Variants in RBL1 observed in about 807,000 individuals in gnomAD.
RBL1 encodes retinoblastoma-like protein 1.
RBL1 carries 82 observed loss-of-function variants against 123.0 expected under a neutral mutation model. The ratio of observed to expected loss-of-function variants is 0.67; its 90% CI spans 0.56 to 0.80. The LOEUF (loss-of-function observed/expected upper bound fraction) is 0.80. Among genes scored for constraint, RBL1 ranks in the 30% least tolerant of loss-of-function variants. RBL1 has a pLI of 0.00. For synonymous variants in RBL1, 405 were observed against 441.3 expected, an observed-to-expected ratio of 0.92 and a Z score of 1.03; for missense variants, 1,171 against 1,299.6, an observed-to-expected ratio of 0.90 and a Z score of 1.52.
At chr20:37,018,452 C>A in intron 18 of RBL1, 83 bp from the exon 19 acceptor site, 1 of 1,482,376 alleles carries the variant, frequency 6.7e-7, no homozygotes, top group Non-Finnish European at 8.9e-7. Flanking sequence ...AGCAAAATAT[C>A]AAACCAATTA....
intron 20 of RBL1, among the ~76,000 whole-genome samples, chr20:37,005,894 CT>C (rs1013303071): frequency 6.2e-4 from 61 of 98,132 alleles, no homozygotes; most frequent in South Asian, 4.5e-3. Flanking sequence ...TTTTTTCTTT[CT>C]TTTTTTTTTT....
chr20:37,073,705 G>GAAAAAAAAAA lies in RBL1; in HGVS notation c.291-5529_291-5520dup, dbSNP rs796752326. Among the ~76,000 whole-genome samples the GAAAAAAAAAA allele has an allele frequency of 2.9e-4, 30 of 103,144 alleles. 1 individual carries two copies. Among genetic ancestry groups the GAAAAAAAAAA allele is most frequent in the Non-Finnish European group, 3.5e-4 (19 of 54,354 alleles). 67.7% of individuals were successfully genotyped at this position (103,144 alleles called of 152,430 possible). ...AGAGTGAGATCCTGTCTCAAAAAAA[G>GAAAAAAAAAA]AAAAAAAAAAAAAAAAAGAATACAC... On this transcript the variant is annotated intron_variant, in intron 2 of 21. Transcript: ENST00000373664.
chr20:37,033,316 G>A (rs2064545549), intron 15 of RBL1, among the ~76,000 whole-genome samples: 1 of 151,606 alleles, frequency 6.6e-6, no homozygotes, highest in Non-Finnish European at 1.5e-5. Flanking sequence ...TGAGTAGCTG[G>A]AACTACAGGC....
rs953265198 is a variant in RBL1, at chr20:37,044,131, C to T, written c.1725G>A (p.Trp575Ter). ...SLAWSHDSAL[W>*]EALQVSANKV... Reference sequence around the variant, plus strand: ...TGTTTGCAGAAACCTGGAGAGCCTCCCACAGTGCAGAATCGTGACTCCATG... The same window carrying T: ...TGTTTGCAGAAACCTGGAGAGCCTCTCACAGTGCAGAATCGTGACTCCATG... Residue 575 changes from tryptophan to a stop codon, truncating the protein, a stop_gained, in exon 13 of 22, where the codon TGG becomes TGA. Coordinates refer to ENST00000373664, the MANE Select transcript of RBL1 (RefSeq NM_002895.5). LOFTEE classifies it high-confidence loss of function. 6.2e-7 allele frequency: 1 copy of T among 1,612,672 alleles called. No homozygotes were observed. The highest frequency in any genetic ancestry group is 1.3e-5 in the African/African-American group (1 of 74,570).
At chr20:37,026,733 C>T (rs6093826) in intron 16 of RBL1, among the ~76,000 whole-genome samples, 3 of 149,660 alleles carry the variant, frequency 2.0e-5, no homozygotes, top group South Asian at 2.1e-4. Flanking sequence ...AGGCTGGGCG[C>T]AGTGGCTCAC....
chr20:37,030,745 C>T (rs2146243738), intron 16 of RBL1, among the ~76,000 whole-genome samples: 1 of 151,840 alleles, frequency 6.6e-6, no homozygotes, highest in Middle Eastern at 3.4e-3. Flanking sequence ...GTCCCAGCTA[C>T]TCAGGAGGCT....
chr20:36,997,596 A>G lies in RBL1; in HGVS notation c.*1163T>C, dbSNP rs1329231342. ...AATTAGATATTGAGAATGACTGATAACTATGATCTCAAAAACAGTATATCA... is the reference window on the plus strand; with the variant it reads ...AATTAGATATTGAGAATGACTGATAGCTATGATCTCAAAAACAGTATATCA... On this transcript the variant is annotated 3_prime_UTR_variant, in exon 22 of 22. Coordinates refer to ENST00000373664, the MANE Select transcript of RBL1 (RefSeq NM_002895.5). The G allele has an allele frequency of 6.6e-6, 1 of 152,174 alleles. No individual in the cohort carries two copies. Among genetic ancestry groups the G allele is most frequent in the East Asian group, 1.9e-4 (1 of 5,198 alleles). 9.4% of individuals were successfully genotyped at this position (152,174 alleles called of 1,614,324 possible). A position where few individuals can be genotyped will look rare whatever the true frequency, so the allele number is the denominator to read the frequency against.
intron 2 of RBL1, among the ~76,000 whole-genome samples, chr20:37,084,293 G>A (rs1016292813): frequency 1.3e-5 from 2 of 151,766 alleles, no homozygotes; most frequent in South Asian, 2.1e-4. Context: ...TTATTTGTCC[G>A]CAACTACAAA....
chr20:37,056,269 C>T lies in RBL1; in HGVS notation c.1251-11G>A. ...TTACGCACACAAGATCTACAAAATACAAGAGGAACCAATTACCAAACCAAA... is the reference window on the plus strand; with the variant it reads ...TTACGCACACAAGATCTACAAAATATAAGAGGAACCAATTACCAAACCAAA... On this transcript the variant is annotated splice_polypyrimidine_tract_variant and intron_variant, in intron 9 of 21. Coordinates refer to ENST00000373664, the MANE Select transcript of RBL1 (RefSeq NM_002895.5). 1 of 1,537,828 alleles carries T rather than the reference C, an allele frequency of 6.5e-7. No homozygotes were observed. The highest frequency in any genetic ancestry group is 8.7e-7 in the Non-Finnish European group (1 of 1,143,218).
intron 11 of RBL1, among the ~76,000 whole-genome samples, chr20:37,047,806 C>T (rs983982776): frequency 5.9e-5 from 9 of 151,828 alleles, no homozygotes; most frequent in Non-Finnish European, 8.8e-5. Context: ...ATGGTGAAAC[C>T]CCGTCTCTAC....
chr20:37,041,990 G>A (rs546953944), intron 13 of RBL1, among the ~76,000 whole-genome samples: 3 of 149,682 alleles, frequency 2.0e-5, no homozygotes, highest in Non-Finnish European at 3.0e-5. Context: ...GGAGAATGGC[G>A]TGAACCCGGG....
intron 11 of RBL1, among the ~76,000 whole-genome samples, chr20:37,052,878 GTGATCCACC>G (rs1173305365): frequency 2.0e-5 from 3 of 152,108 alleles, no homozygotes; most frequent in Non-Finnish European, 4.4e-5. Context: ...CTGACCTCAG[GTGATCCACC>G]TGCCTCAGTC....
intron 21 of RBL1, among the ~76,000 whole-genome samples, chr20:37,002,086 T>G (rs1403601926): frequency 6.6e-6 from 1 of 152,012 alleles, no homozygotes; most frequent in Non-Finnish European, 1.5e-5. Flanking sequence ...CAGGCTGGAG[T>G]GCAGGGCATG....
intron 12 of RBL1, 124 bp from the exon 13 acceptor site, chr20:37,044,374 G>T: frequency 1.1e-6 from 1 of 950,200 alleles, no homozygotes; most frequent in Non-Finnish European, 1.5e-6. Flanking sequence ...GTTTCCCTCT[G>T]TTGCCCAGGC....
intron 19 of RBL1, among the ~76,000 whole-genome samples, chr20:37,012,192 T>C (rs1445089087): frequency 6.6e-6 from 1 of 152,220 alleles, no homozygotes. Context: ...TGGAGTGCAG[T>C]GGCGTGATCT....
chr20:37,036,212 T>C (rs1022919815), intron 14 of RBL1, among the ~76,000 whole-genome samples: 2 of 152,208 alleles, frequency 1.3e-5, no homozygotes, highest in African/African-American at 4.8e-5. Context: ...TCTACATCTT[T>C]TTTCACAATT....
At chr20:37,039,102 C>T (rs2064679682) in intron 14 of RBL1, among the ~76,000 whole-genome samples, 1 of 152,016 alleles carries the variant, frequency 6.6e-6, no homozygotes, top group African/African-American at 2.4e-5. Flanking sequence ...GCTATATAAT[C>T]CACAAGATAC....
chr20:37,029,050 C>G (rs1044948208), intron 16 of RBL1, among the ~76,000 whole-genome samples: 2 of 151,996 alleles, frequency 1.3e-5, no homozygotes, highest in African/African-American at 4.8e-5. Context: ...TAATTTAAAA[C>G]AAGGAAATCA....
intron 1 of RBL1, among the ~76,000 whole-genome samples, chr20:37,089,977 G>A (rs927400286): frequency 6.6e-6 from 1 of 152,160 alleles, no homozygotes; most frequent in African/African-American, 2.4e-5. Context: ...GCTTAAACTC[G>A]GGAGGCAGAG....
Sources: gnomAD v4.1 joint callset for allele counts (sites outside exome capture counted in the v4.1 genomes callset) on GRCh38, gnomAD v4.1.1 for gene constraint, MANE v1.5 for transcripts, NCBI Gene and HGNC (gene_info 2026-07-23, HGNC 2026-07-21) for gene names.